Variants in XKRX observed in about 807,000 individuals in gnomAD.
XKRX encodes XK related X-linked, also known as XK-related protein 2.
Under a neutral mutation model 22.4 loss-of-function variants are expected in XKRX, and 11 were observed. The observed-to-expected ratio is 0.49, with a 90% CI of 0.31 to 0.81. The LOEUF (loss-of-function observed/expected upper bound fraction) is 0.81, where lower values mean the gene tolerates loss of function less well. XKRX is among the 40% of genes least tolerant of loss of function. The probability of loss-of-function intolerance (pLI) is 0.05; values close to 1 mark genes in which losing one functional copy is unlikely to be tolerated. For missense variants in XKRX, 320 were observed against 336.5 expected, an observed-to-expected ratio of 0.95 and a Z score of 0.38; for synonymous variants, 114 against 132.2, an observed-to-expected ratio of 0.86 and a Z score of 0.94.
Position 100,914,601 on chromosome X carries a change from T to C in XKRX, c.1087A>G (p.Met363Val). Reference sequence around the variant, plus strand: ...CCAAAGAACTTAAAAACCAAGACCATGATCACATTCTCTACCAACCTCACA... The same window carrying C: ...CCAAAGAACTTAAAAACCAAGACCACGATCACATTCTCTACCAACCTCACA... ...YSVRLVENVIMVLVFKFFGVK... is the reference protein window; with the variant it reads ...YSVRLVENVIVVLVFKFFGVK... The change falls in exon 3 of 3, where the codon ATG becomes GTG. Residue 363 changes from methionine to valine, a missense_variant. Coordinates refer to ENST00000372956, the MANE Select transcript of XKRX (RefSeq NM_212559.3). 1.7e-6 allele frequency: 2 copies of C among 1,211,929 alleles called. No homozygotes were observed. Among genetic ancestry groups the C allele is most frequent in the Non-Finnish European group, 2.2e-6 (2 of 895,606 alleles).
At chrX:100,911,169 G>A, downstream of XKRX, 1 of 601,127 alleles carries the variant, frequency 1.7e-6, no homozygotes, top group South Asian at 2.3e-5. Context: ...ACTAAAGTCT[G>A]CTTTGTTGGA....
At chrX:100,933,479 A>T (rs956423583), upstream of XKRX, among the ~76,000 whole-genome samples, 1 of 83,801 alleles carries the variant, frequency 1.2e-5, no homozygotes, top group Admixed American at 1.2e-4. Context: ...GATTCCGTCT[A>T]AAAAAAAAAA....
At chrX:100,898,170 T>A in the XKRX span, among the ~76,000 whole-genome samples, 1 of 111,702 alleles carries the variant, frequency 9.0e-6, no homozygotes, top group Non-Finnish European at 1.9e-5. Flanking sequence ...GCTTAATGAA[T>A]AAAGAAGCTG....
intron 2 of XKRX, among the ~76,000 whole-genome samples, chrX:100,915,721 T>C (rs926873641): frequency 9.2e-6 from 1 of 109,138 alleles, no homozygotes; most frequent in African/African-American, 3.4e-5. Context: ...TGTGTGTGTG[T>C]GTGTGTATGA....
intron 2 of XKRX, among the ~76,000 whole-genome samples, chrX:100,919,840 T>C (rs1414707305): frequency 8.9e-6 from 1 of 111,818 alleles, no homozygotes; most frequent in Non-Finnish European, 1.9e-5. Flanking sequence ...TATTTGGCAA[T>C]ATCAATAAAA....
At chrX:100,897,593 ATGTGTGTGTG>A in the XKRX span, among the ~76,000 whole-genome samples, 988 of 66,400 alleles carry the variant, frequency 0.015, 40 homozygotes, top group African/African-American at 0.051. Context: ...AAATATATAT[ATGTGTGTGTG>A]TGTGTGTGTG....
the XKRX span, among the ~76,000 whole-genome samples, chrX:100,959,272 G>A: frequency 9.0e-6 from 1 of 111,476 alleles, no homozygotes; most frequent in Admixed American, 9.6e-5. Flanking sequence ...TGTTTTTGAC[G>A]TTTATTAAAC....
At chrX:100,957,146 A>G in the XKRX span, 1 of 1,124,553 alleles carries the variant, frequency 8.9e-7, no homozygotes, top group South Asian at 1.8e-5. Flanking sequence ...AAGTGCCATC[A>G]CCTGTGGAGC....
chrX:100,958,433 T>G, the XKRX span, among the ~76,000 whole-genome samples: 1 of 112,305 alleles, frequency 8.9e-6, no homozygotes, highest in Non-Finnish European at 1.9e-5. Flanking sequence ...ATTTTCTCAT[T>G]TGGCATGGAC....
chrX:100,928,883 C>T lies in XKRX; in HGVS notation c.-579G>A. On this transcript the variant is annotated 5_prime_UTR_variant, in exon 1 of 3. Transcript: ENST00000372956. ...GCTATTGCTAGGCTGTAGCTATCAG[C>T]TGGCCCGCTCACCTGCGCGCTCTCA... 1.3e-6 allele frequency: 1 copy of T among 746,042 alleles called. No homozygotes were observed. The allele number at this position is 746,042 out of a possible 1,213,427, so 61.5% of individuals were successfully genotyped here.
the XKRX span, among the ~76,000 whole-genome samples, chrX:100,902,411 C>G: frequency 8.9e-6 from 1 of 111,750 alleles, no homozygotes; most frequent in Non-Finnish European, 1.9e-5. Flanking sequence ...ATGAGGCCAG[C>G]ATTACCGTAA....
At position 100,915,029 on chromosome X, in the gene XKRX, T is replaced by C. The variant is rs1436779351; in HGVS notation, c.659A>G (p.Asn220Ser). The C allele has an allele frequency of 2.5e-6, 3 of 1,211,366 alleles. No homozygotes were observed. Among genetic ancestry groups the C allele is most frequent in the Non-Finnish European group, 3.4e-6 (3 of 895,414 alleles). ...GTACTTGATCTGGATAGCCAACATA[T>C]TGCAAAGGGTGGCCCCATAGGTGAC... ...VSVTYGATLC[N>S]MLAIQIKYDD... The change falls in exon 3 of 3, where the codon AAT becomes AGT. Residue 220 changes from asparagine (N) to serine (S), a missense_variant. Asn to Ser is a conservative substitution (Grantham distance 46, BLOSUM62 1). Coordinates refer to ENST00000372956, the MANE Select transcript of XKRX (RefSeq NM_212559.3).
chrX:100,901,033 G>A, the XKRX span, among the ~76,000 whole-genome samples: 5 of 110,502 alleles, frequency 4.5e-5, no homozygotes, highest in Non-Finnish European at 5.7e-5. Context: ...CTCGTGATCT[G>A]CCCGCCTTGG....
the XKRX span, among the ~76,000 whole-genome samples, chrX:100,898,429 G>A: frequency 2.7e-5 from 3 of 109,238 alleles, no homozygotes; most frequent in Non-Finnish European, 5.7e-5. Flanking sequence ...CAAGGTCTGG[G>A]GCAGCTTACT....
chrX:100,906,999 G>A, the XKRX span, among the ~76,000 whole-genome samples: 2 of 111,229 alleles, frequency 1.8e-5, no homozygotes, highest in African/African-American at 6.5e-5. Flanking sequence ...CTATTTCAAG[G>A]TAAACTGATT....
the XKRX span, among the ~76,000 whole-genome samples, chrX:100,897,599 G>A: frequency 0.013 from 238 of 17,863 alleles, 3 homozygotes; most frequent in African/African-American, 0.038. Flanking sequence ...ATATATGTGT[G>A]TGTGTGTGTG....
the XKRX span, among the ~76,000 whole-genome samples, chrX:100,895,250 T>G: frequency 8.9e-6 from 1 of 112,176 alleles, no homozygotes. Flanking sequence ...TGTCATAGGT[T>G]GTAAGACTCA....
chrX:100,933,094 C>T (rs372592388), upstream of XKRX, among the ~76,000 whole-genome samples: 2 of 108,352 alleles, frequency 1.8e-5, no homozygotes, highest in Admixed American at 9.9e-5. Flanking sequence ...CGCTTGAGCC[C>T]GGGAGGTTGA....
the XKRX span, among the ~76,000 whole-genome samples, chrX:100,890,977 A>T: frequency 8.9e-6 from 1 of 112,150 alleles, no homozygotes; most frequent in Admixed American, 9.5e-5. Flanking sequence ...AATAGAATTT[A>T]GGGGTGCTCT....
Sources: gnomAD v4.1 joint callset for allele counts (sites outside exome capture counted in the v4.1 genomes callset) on GRCh38, gnomAD v4.1.1 for gene constraint, MANE v1.5 for transcripts, NCBI Gene and HGNC (gene_info 2026-07-23, HGNC 2026-07-21) for gene names.